The following C12orf42 variants were observed in gnomAD, a reference collection of about 807,000 sequenced individuals.
C12orf42 encodes the protein chromosome 12 open reading frame 42.
In C12orf42, 25 loss-of-function variants were observed where a neutral mutation model predicts 21.6. That is an observed-to-expected ratio of 1.16 (90% confidence interval 0.84 to 1.62). C12orf42 has a LOEUF of 1.62. Among genes scored for constraint, C12orf42 ranks in the 40% most tolerant of loss-of-function variants. The probability of loss-of-function intolerance (pLI) is 0.00; values close to 1 mark genes in which losing one functional copy is unlikely to be tolerated. For missense variants in C12orf42, 483 were observed against 459.3 expected, an observed-to-expected ratio of 1.05 and a Z score of -0.47; for synonymous variants, 174 against 175.0, an observed-to-expected ratio of 0.99 and a Z score of 0.05.
intron 1 of C12orf42, among the ~76,000 whole-genome samples, chr12:103,482,725 A>G (rs1394527354): frequency 6.6e-6 from 1 of 151,912 alleles, no homozygotes; most frequent in Non-Finnish European, 1.5e-5. Context: ...ATCCTTATGG[A>G]ATTCTGATTA....
the C12orf42 span, among the ~76,000 whole-genome samples, chr12:103,185,540 G>C: frequency 6.6e-5 from 10 of 150,700 alleles, no homozygotes; most frequent in African/African-American, 2.2e-4. Context: ...CTCCTGCCAG[G>C]CTCTTGGAAA....
At chr12:103,176,486 T>G in the C12orf42 span, among the ~76,000 whole-genome samples, 5 of 152,214 alleles carry the variant, frequency 3.3e-5, no homozygotes, top group Non-Finnish European at 5.9e-5. Context: ...GGCACACTGG[T>G]AAATGTTCAA....
the C12orf42 span, among the ~76,000 whole-genome samples, chr12:103,081,829 T>C: frequency 6.6e-6 from 1 of 152,206 alleles, no homozygotes; most frequent in East Asian, 1.9e-4. Flanking sequence ...ATTATTTTGT[T>C]TACAGTGAAT....
chr12:103,493,426 G>A (rs556727939), intron 1 of C12orf42, among the ~76,000 whole-genome samples: 97 of 151,414 alleles, frequency 6.4e-4, no homozygotes, highest in African/African-American at 2.3e-3. Flanking sequence ...CAATGTTCTG[G>A]CCATACCAGC....
At chr12:103,171,590 T>C in the C12orf42 span, among the ~76,000 whole-genome samples, 1 of 152,068 alleles carries the variant, frequency 6.6e-6, no homozygotes, top group Non-Finnish European at 1.5e-5. Context: ...GGAAGAATAG[T>C]ATTTTTAATA....
intron 2 of C12orf42, among the ~76,000 whole-genome samples, chr12:103,403,853 T>C (rs1171752878): frequency 6.6e-6 from 1 of 152,234 alleles, no homozygotes; most frequent in Non-Finnish European, 1.5e-5. Flanking sequence ...CACTGAATGC[T>C]GTCCCAAACC....
the C12orf42 span, among the ~76,000 whole-genome samples, chr12:103,229,192 C>T: frequency 6.6e-6 from 1 of 152,230 alleles, no homozygotes; most frequent in Admixed American, 6.5e-5. Flanking sequence ...TAATTCTCCA[C>T]ATCTGCCTTC....
At chr12:103,058,987 T>C in the C12orf42 span, among the ~76,000 whole-genome samples, 1 of 152,006 alleles carries the variant, frequency 6.6e-6, no homozygotes, top group African/African-American at 2.4e-5. Context: ...AGAGCAGAAC[T>C]GAAGGAGATA....
downstream of C12orf42, among the ~76,000 whole-genome samples, chr12:103,236,185 G>A (rs1197865988): frequency 2.6e-5 from 4 of 152,114 alleles, no homozygotes; most frequent in Non-Finnish European, 5.9e-5. Context: ...TGAACCTGGT[G>A]TGTATTCTAA....
the C12orf42 span, among the ~76,000 whole-genome samples, chr12:103,098,693 G>C: frequency 2.6e-3 from 399 of 152,276 alleles, 9 homozygotes; most frequent in Admixed American, 0.024. Context: ...GCCTAAGAGA[G>C]GCACCAAAAA....
At chr12:103,368,074 T>C in intron 4 of C12orf42, 2 of 1,284,998 alleles carry the variant, frequency 1.6e-6, no homozygotes, top group Non-Finnish European at 2.0e-6. Flanking sequence ...ACAGGCACAT[T>C]TAAATATATC....
chr12:103,190,904 T>C, the C12orf42 span, among the ~76,000 whole-genome samples: 3 of 151,916 alleles, frequency 2.0e-5, no homozygotes, highest in Non-Finnish European at 4.4e-5. Flanking sequence ...TCCAAATTCA[T>C]GAAACACAAA....
chr12:103,342,075 CAG>C (rs2137259728), intron 4 of C12orf42, among the ~76,000 whole-genome samples: 1 of 152,134 alleles, frequency 6.6e-6, no homozygotes, highest in Non-Finnish European at 1.5e-5. Flanking sequence ...GATAGATAGA[CAG>C]ATAAAATATC....
At chr12:103,216,936 A>T in the C12orf42 span, among the ~76,000 whole-genome samples, 1 of 151,994 alleles carries the variant, frequency 6.6e-6, no homozygotes, top group Non-Finnish European at 1.5e-5. Context: ...TCTGCCTCCC[A>T]GGTTCAAGGG....
At chr12:103,276,049 G>A (rs2035754912) in intron 5 of C12orf42, among the ~76,000 whole-genome samples, 1 of 152,032 alleles carries the variant, frequency 6.6e-6, no homozygotes, top group African/African-American at 2.4e-5. Context: ...CTCCAGCCTG[G>A]GTGACAGGGC....
chr12:103,563,692 T>C, the C12orf42 span, among the ~76,000 whole-genome samples: 1 of 151,972 alleles, frequency 6.6e-6, no homozygotes, highest in East Asian at 1.9e-4. Context: ...ATGATCCACA[T>C]GAAAAACTGA....
chr12:103,099,853 C>A, the C12orf42 span, among the ~76,000 whole-genome samples: 1 of 152,080 alleles, frequency 6.6e-6, no homozygotes, highest in African/African-American at 2.4e-5. Context: ...ATGGACTGAG[C>A]AAATATACCA....
At chr12:103,420,765 C>T (rs2049817479) in intron 2 of C12orf42, among the ~76,000 whole-genome samples, 1 of 152,098 alleles carries the variant, frequency 6.6e-6, no homozygotes, top group South Asian at 2.1e-4. Context: ...GTGATCTGCC[C>T]GCCTCGGCCT....
chr12:103,448,195 G>C (rs1336430479), intron 2 of C12orf42, among the ~76,000 whole-genome samples: 1 of 151,954 alleles, frequency 6.6e-6, no homozygotes, highest in Non-Finnish European at 1.5e-5. Context: ...AGTCGGGAAA[G>C]GATACCCTAT....
Sources: gnomAD v4.1 joint callset for allele counts (sites outside exome capture counted in the v4.1 genomes callset) on GRCh38, gnomAD v4.1.1 for gene constraint, MANE v1.5 for transcripts, NCBI Gene and HGNC (gene_info 2026-07-23, HGNC 2026-07-21) for gene names.